The following CTNNA2 variants were observed in gnomAD, a reference collection of about 807,000 sequenced individuals.
The protein encoded by CTNNA2 is catenin alpha-2.
CTNNA2 carries 42 observed loss-of-function variants against 101.0 expected under a neutral mutation model. That is an observed-to-expected ratio of 0.42 (90% CI 0.32 to 0.54). CTNNA2 has a LOEUF of 0.54. CTNNA2 is among the 20% of genes least tolerant of loss of function. The probability of loss-of-function intolerance (pLI) is 0.14; values close to 1 mark genes in which losing one functional copy is unlikely to be tolerated. For synonymous variants in CTNNA2, 450 were observed against 456.4 expected (o/e 0.99, Z 0.18); for missense variants, 871 against 1,223.1 (o/e 0.71, Z 4.29).
chr2:80,425,624 A>G (rs1680922191), intron 9 of CTNNA2, among the ~76,000 whole-genome samples: 1 of 152,150 alleles, frequency 6.6e-6, no homozygotes, highest in South Asian at 2.1e-4. Flanking sequence ...TAATCAATCT[A>G]TGAATCAGTG....
intron 7 of CTNNA2, among the ~76,000 whole-genome samples, chr2:80,158,188 C>T (rs527445754): frequency 5.9e-5 from 9 of 152,274 alleles, no homozygotes; most frequent in African/African-American, 2.2e-4. Flanking sequence ...AGTAAGGTTG[C>T]CCCAAGGTCT....
intron 2 of CTNNA2, among the ~76,000 whole-genome samples, chr2:79,276,928 A>G (rs535251359): frequency 2.0e-4 from 30 of 152,136 alleles, no homozygotes; most frequent in African/African-American, 4.6e-4. Flanking sequence ...CTGCATGTTC[A>G]CATGCGCATA....
At chr2:79,499,014 T>C (rs1006817933) in intron 4 of CTNNA2, 1 of 152,182 alleles carries the variant, frequency 6.6e-6, no homozygotes, top group Non-Finnish European at 1.5e-5. Context: ...TCCAACACAA[T>C]CTGACATCCT....
intron 2 of CTNNA2, among the ~76,000 whole-genome samples, chr2:79,261,098 G>C (rs563617105): frequency 6.6e-6 from 1 of 152,120 alleles, no homozygotes; most frequent in Admixed American, 6.6e-5. Context: ...GGCAGGAAAA[G>C]ACTTTAACAT....
intron 17 of CTNNA2, among the ~76,000 whole-genome samples, chr2:80,610,456 A>G (rs1256407669): frequency 6.6e-6 from 1 of 151,546 alleles, no homozygotes; most frequent in African/African-American, 2.4e-5. Flanking sequence ...GTTTTTTTTC[A>G]GAAGAAGCCA....
intron 2 of CTNNA2, among the ~76,000 whole-genome samples, chr2:79,212,180 A>G (rs1288742114): frequency 6.6e-6 from 1 of 152,144 alleles, no homozygotes; most frequent in East Asian, 1.9e-4. Flanking sequence ...GCACCAGGAG[A>G]TATCAGCTGT....
chr2:79,669,398 C>T (rs752988811), intron 2 of CTNNA2, among the ~76,000 whole-genome samples: 8 of 152,120 alleles, frequency 5.3e-5, no homozygotes, highest in African/African-American at 9.7e-5. Flanking sequence ...TCTGGGGTGT[C>T]GATTTTTCTG....
chr2:80,560,488 C>T (rs1477023313), intron 12 of CTNNA2, among the ~76,000 whole-genome samples: 4 of 152,064 alleles, frequency 2.6e-5, no homozygotes, highest in African/African-American at 9.7e-5. Context: ...AAGAATGGGT[C>T]GGTATTAATT....
chr2:79,565,984 C>T (rs1272327740), intron 1 of CTNNA2, among the ~76,000 whole-genome samples: 3 of 151,764 alleles, frequency 2.0e-5, no homozygotes, highest in Non-Finnish European at 4.4e-5. Context: ...TGAAACAGCC[C>T]GAAAAGACAA....
At chr2:79,809,777 T>C (rs1348034639) in intron 3 of CTNNA2, among the ~76,000 whole-genome samples, 1 of 152,218 alleles carries the variant, frequency 6.6e-6, no homozygotes, top group East Asian at 1.9e-4. Context: ...ATGCAGAAGC[T>C]CTTTAGTTTA....
chr2:80,096,041 G>T (rs1160972432), intron 7 of CTNNA2, among the ~76,000 whole-genome samples: 2 of 151,786 alleles, frequency 1.3e-5, no homozygotes, highest in South Asian at 2.1e-4. Context: ...CTTGCCTTCT[G>T]CTAGCTTTTG....
chr2:80,305,313 G>A (rs748485369), intron 7 of CTNNA2: 15 of 985,368 alleles, frequency 1.5e-5, no homozygotes, highest in South Asian at 9.4e-5. Flanking sequence ...GAGATCCAGT[G>A]TGGCAAAAAG....
At chr2:80,226,048 C>A (rs1054636849) in intron 7 of CTNNA2, among the ~76,000 whole-genome samples, 25 of 152,084 alleles carry the variant, frequency 1.6e-4, no homozygotes, top group African/African-American at 6.0e-4. Context: ...ATATTAAGTT[C>A]CTCCAAAAGT....
At chr2:79,984,546 A>C (rs1691627627) in intron 7 of CTNNA2, among the ~76,000 whole-genome samples, 1 of 152,188 alleles carries the variant, frequency 6.6e-6, no homozygotes, top group African/African-American at 2.4e-5. Flanking sequence ...ATACTTAATT[A>C]ATTTAAGAGA....
Position 80,555,731 on chromosome 2 carries a change from G to T in CTNNA2, c.1579G>T (p.Ala527Ser). The T allele has an allele frequency of 1.3e-6, 2 of 1,575,012 alleles. No individual in the cohort carries two copies. The highest frequency in any genetic ancestry group is 2.4e-5 in the South Asian group (2 of 82,792). ...GGAGGATGTGAACAAGTGTGTGATA[G>T]CCCTCCAAGAGGGCGATGTGGACAC... ...ILEDVNKCVI[A>S]LQEGDVDTLD... The change falls in exon 12 of 19, where the codon GCC becomes TCC. Residue 527 changes from alanine (A) to serine (S), a missense_variant. Ala to Ser is a moderately conservative substitution (Grantham distance 99). Coordinates refer to ENST00000402739, the MANE Select transcript of CTNNA2 (RefSeq NM_001282597.3).
intron 13 of CTNNA2, among the ~76,000 whole-genome samples, chr2:80,580,129 A>G (rs1695400895): frequency 6.6e-6 from 1 of 152,152 alleles, no homozygotes; most frequent in African/African-American, 2.4e-5. Context: ...CAGTTTTCCT[A>G]CCTGGAAAAT....
At chr2:79,345,850 G>A (rs568250103) in intron 3 of CTNNA2, among the ~76,000 whole-genome samples, 32 of 140,628 alleles carry the variant, frequency 2.3e-4, no homozygotes, top group African/African-American at 7.8e-4. Flanking sequence ...CAGCCATCAC[G>A]CCCGGTTGAT....
At chr2:80,634,409 G>A (rs897843147) in intron 18 of CTNNA2, among the ~76,000 whole-genome samples, 2 of 152,002 alleles carry the variant, frequency 1.3e-5, no homozygotes, top group African/African-American at 2.4e-5. Context: ...AATAGTAAGC[G>A]CTAAGGCCTT....
intron 4 of CTNNA2, among the ~76,000 whole-genome samples, chr2:79,437,649 G>C (rs1165554165): frequency 6.6e-6 from 1 of 152,116 alleles, no homozygotes; most frequent in Non-Finnish European, 1.5e-5. Context: ...TAACATAACC[G>C]TGTGTCACTA....
Sources: gnomAD v4.1 joint callset for allele counts (sites outside exome capture counted in the v4.1 genomes callset) on GRCh38, gnomAD v4.1.1 for gene constraint, MANE v1.5 for transcripts, NCBI Gene and HGNC (gene_info 2026-07-23, HGNC 2026-07-21) for gene names.